The following NCKAP1L variants were observed in gnomAD, a reference collection of about 807,000 sequenced individuals.
The protein encoded by NCKAP1L is NCK associated protein 1 like, also known as nck-associated protein 1-like.
In NCKAP1L, 53 loss-of-function variants were observed where a neutral mutation model predicts 139.2. That is an observed-to-expected ratio of 0.38 (90% CI 0.31 to 0.48). The LOEUF (loss-of-function observed/expected upper bound fraction) is 0.48. NCKAP1L is among the 20% of genes least tolerant of loss of function. The pLI, the probability that NCKAP1L is intolerant of heterozygous loss-of-function variation, is 0.98. For synonymous variants in NCKAP1L, 468 were observed against 499.7 expected, an observed-to-expected ratio of 0.94 and a Z score of 0.85; for missense variants, 1,151 against 1,381.9, an observed-to-expected ratio of 0.83 and a Z score of 2.65.
intron 5 of NCKAP1L, among the ~76,000 whole-genome samples, chr12:54,509,239 A>G (rs1403174787): frequency 6.6e-6 from 1 of 152,176 alleles, no homozygotes; most frequent in African/African-American, 2.4e-5. Flanking sequence ...GGGTTGTGGC[A>G]CATCATTCTA....
At position 54,531,835 on chromosome 12, in the gene NCKAP1L, T is replaced by C. The variant is rs1957074240; in HGVS notation, c.2781+10T>C. Reference sequence around the variant, plus strand: ...AGAGGGACTTCGGGAGGTGAGTTGGTGGGGAGGGGTCTGTCACAGAGTCAC... The same window carrying C: ...AGAGGGACTTCGGGAGGTGAGTTGGCGGGGAGGGGTCTGTCACAGAGTCAC... On this transcript the variant is annotated intron_variant, in intron 25 of 30. Transcript: ENST00000293373. 1.2e-6 allele frequency: 2 copies of C among 1,603,582 alleles called. No homozygotes were observed. Among genetic ancestry groups the C allele is most frequent in the Non-Finnish European group, 1.7e-6 (2 of 1,170,928 alleles).
chr12:54,526,732 A>G lies in NCKAP1L; in HGVS notation c.2361A>G (p.Thr787=). 1.2e-6 allele frequency: 2 copies of G among 1,613,674 alleles called. No individual in the cohort carries two copies. Among genetic ancestry groups the G allele is most frequent in the Non-Finnish European group, 1.7e-6 (2 of 1,179,778 alleles). Residue 787 remains threonine (T), a synonymous_variant, in exon 21 of 31, where the codon ACA becomes ACG. Transcript: ENST00000293373. ...LDSCGEQTIT[T]LYTNWYLESL... ...CCTGTGGGGAACAGACAATCACCAC[A>G]CTCTACACAAACTGGTCAGTGTTGC...
intron 22 of NCKAP1L, among the ~76,000 whole-genome samples, chr12:54,529,778 C>T (rs898277118): frequency 6.6e-6 from 1 of 152,076 alleles, no homozygotes; most frequent in Non-Finnish European, 1.5e-5. Context: ...CCTTGGTTGC[C>T]ATAGTGATGG....
At chr12:54,532,761 G>T (rs1592351572) in intron 26 of NCKAP1L, among the ~76,000 whole-genome samples, 1 of 152,078 alleles carries the variant, frequency 6.6e-6, no homozygotes, top group Non-Finnish European at 1.5e-5. Flanking sequence ...TACAGGAGAT[G>T]GTGAGAGGAA....
rs534702499 is a variant in NCKAP1L, at chr12:54,508,546, G to T, written c.506+15G>T. 2.5e-6 allele frequency: 4 copies of T among 1,613,702 alleles called. No individual in the cohort carries two copies. Among genetic ancestry groups the T allele is most frequent in the Admixed American group, 1.7e-5 (1 of 60,014 alleles). On this transcript the variant is annotated intron_variant, in intron 5 of 30. Transcript: ENST00000293373. ...CATGGGCATGGGTGAGTTAAGGCGAGAGTATTATATGAAGAGTCTCATACA... is the reference window on the plus strand; with the variant it reads ...CATGGGCATGGGTGAGTTAAGGCGATAGTATTATATGAAGAGTCTCATACA...
At chr12:54,498,771 C>G in intron 1 of NCKAP1L, 1 of 985,182 alleles carries the variant, frequency 1.0e-6, no homozygotes, top group Non-Finnish European at 1.2e-6. Context: ...GGCGGGGAAA[C>G]AGCTTCCTCT....
intron 18 of NCKAP1L, among the ~76,000 whole-genome samples, chr12:54,521,700 T>A (rs1163478577): frequency 6.6e-6 from 1 of 152,206 alleles, no homozygotes; most frequent in African/African-American, 2.4e-5. Flanking sequence ...CTTGCCTTTT[T>A]CTTCTTATTT....
intron 3 of NCKAP1L, among the ~76,000 whole-genome samples, chr12:54,504,833 C>A (rs571395310): frequency 2.0e-4 from 31 of 152,302 alleles, no homozygotes; most frequent in African/African-American, 7.5e-4. Flanking sequence ...TGGTGTTTAG[C>A]ATATAGTAAG....
In NCKAP1L at chr12:54,521,232, C is replaced by T. The variant is rs138691081; in HGVS notation, c.1872C>T (p.Ser624=). ...LEICAEQRNL[S]EQLLPKHCAT... Reference sequence around the variant, plus strand: ...TCTGTGCTGAGCAGCGAAACCTGAGCGAGCAGGTAGACTCAGCCCTCTCTG... The same window carrying T: ...TCTGTGCTGAGCAGCGAAACCTGAGTGAGCAGGTAGACTCAGCCCTCTCTG... Residue 624 remains serine, a synonymous_variant, in exon 18 of 31, where the codon AGC becomes AGT. Coordinates refer to ENST00000293373, the MANE Select transcript of NCKAP1L (RefSeq NM_005337.5). 82 of 1,613,796 alleles carry T rather than the reference C, an allele frequency of 5.1e-5. No individual in the cohort carries two copies. In the East Asian group the frequency reaches 6.5e-4, roughly 13 times the overall value.
chr12:54,514,776 C>T (rs1231839760), intron 9 of NCKAP1L, among the ~76,000 whole-genome samples: 1 of 152,190 alleles, frequency 6.6e-6, no homozygotes, highest in African/African-American at 2.4e-5. Flanking sequence ...CTCACACTCT[C>T]AACAACTAAG....
At chr12:54,517,016 G>T in intron 11 of NCKAP1L, 24 bp downstream of exon 11, 2 of 1,587,870 alleles carry the variant, frequency 1.3e-6, no homozygotes, top group South Asian at 2.2e-5. Flanking sequence ...ATGTTGGGAG[G>T]GGAATGATGG....
rs1251942808 is a variant in NCKAP1L, at chr12:54,537,033, C to T, written c.3163C>T (p.His1055Tyr). 3.1e-6 allele frequency: 5 copies of T among 1,611,554 alleles called. No homozygotes were observed. The highest frequency in any genetic ancestry group is 4.2e-6 in the Non-Finnish European group (5 of 1,177,840). The change falls in exon 29 of 31, where the codon CAC becomes TAC. Residue 1055 changes from histidine (H) to tyrosine (Y), a missense_variant. His to Tyr is a moderately conservative substitution (Grantham distance 83). Coordinates refer to ENST00000293373, the MANE Select transcript of NCKAP1L (RefSeq NM_005337.5). The stretch of plus-strand genomic sequence containing the variant: ...GCTCTACAACAAGAACATTGAAACT[C>T]ACCTCAAGGAATTTCTGGTGGTGAG... ...FTLYNKNIETHLKEFLVVASV... is the reference protein window; with the variant it reads ...FTLYNKNIETYLKEFLVVASV...
chr12:54,509,682 G>A lies in NCKAP1L; in HGVS notation c.520G>A (p.Ala174Thr). 1 of 1,613,974 alleles carries A rather than the reference G, an allele frequency of 6.2e-7. No individual in the cohort carries two copies. Among genetic ancestry groups the A allele is most frequent in the South Asian group, 1.1e-5 (1 of 91,080 alleles). ...MLHGHGDPSF[A>T]RLGQMVLEYD... is the part of the protein sequence containing the mutation. ...GCTTTCTTCTAGTGACCCCAGTTTT[G>A]CCCGTCTGGGTCAGATGGTCTTGGA... The change falls in exon 6 of 31, where the codon GCC becomes ACC. Residue 174 changes from alanine (A) to threonine (T), a missense_variant. Transcript: ENST00000293373.
chr12:54,516,797 C>T, intron 10 of NCKAP1L, 99 bp from the exon 11 acceptor site: 1 of 1,050,164 alleles, frequency 9.5e-7, no homozygotes, highest in Non-Finnish European at 1.4e-6. Flanking sequence ...CTTCCTTCTG[C>T]CTGATATCCC....
chr12:54,523,674 G>A lies in NCKAP1L; in HGVS notation c.2024+135G>A, dbSNP rs1957004548. 6 of 1,433,030 alleles carry A rather than the reference G, an allele frequency of 4.2e-6. No homozygotes were observed. The East Asian group carries it at 1.4e-4, about 33-fold the overall frequency. The allele number at this position is 1,433,030 out of a possible 1,614,324, so 88.8% of individuals were successfully genotyped here. A position where few individuals can be genotyped will look rare whatever the true frequency, so the allele number is the denominator to read the frequency against. ...GAGGGGCATGGAAAAGCACTTAAAT[G>A]CGAATTTCCTACTTTGCCTTTGAAG... is the stretch of plus-strand genomic sequence containing the variant. On this transcript the variant is annotated intron_variant, in intron 19 of 30. Transcript: ENST00000293373.
chr12:54,515,317 A>G (rs1956920937), intron 9 of NCKAP1L, among the ~76,000 whole-genome samples: 1 of 152,140 alleles, frequency 6.6e-6, no homozygotes. Flanking sequence ...TGAAGTCCCA[A>G]TAATGTGGTG....
intron 30 of NCKAP1L, among the ~76,000 whole-genome samples, chr12:54,540,009 A>G (rs1222939193): frequency 6.6e-6 from 1 of 152,120 alleles, no homozygotes; most frequent in Non-Finnish European, 1.5e-5. Flanking sequence ...GAGAAGGGGG[A>G]CTGGGCTGGA....
rs116627570 is a variant in NCKAP1L at position 54,510,108 on chromosome 12, T to C, written c.735+123T>C. ...AATGCTTTAGTCTTCTTCTAGGGTA[T>C]GTCTCTAAGTTGAGCACTTCTTGTA... On this transcript the variant is annotated intron_variant, in intron 7 of 30. Coordinates refer to ENST00000293373, the MANE Select transcript of NCKAP1L (RefSeq NM_005337.5). 1,012 of 1,306,784 alleles carry C rather than the reference T, an allele frequency of 7.7e-4. 6 individuals carry two copies. In the African/African-American group the frequency reaches 0.014, roughly 18 times the overall value. 80.9% of individuals were successfully genotyped at this position (1,306,784 alleles called of 1,614,324 possible). A position where few individuals can be genotyped will look rare whatever the true frequency, so the allele number is the denominator to read the frequency against.
chr12:54,506,722 C>G (rs1194960474), intron 3 of NCKAP1L, among the ~76,000 whole-genome samples: 1 of 142,822 alleles, frequency 7.0e-6, no homozygotes, highest in African/African-American at 2.6e-5. Context: ...TGTGAACCGC[C>G]ATGCTTGGCA....
Sources: allele counts gnomAD v4.1 joint callset (sites outside exome capture counted in the v4.1 genomes callset), GRCh38; gene constraint gnomAD v4.1.1; transcripts MANE v1.5; gene names NCBI Gene and HGNC (gene_info 2026-07-23, HGNC 2026-07-21).